The following GRM1 variants were observed in gnomAD, a reference collection of about 807,000 sequenced individuals.
GRM1 encodes the protein glutamate metabotropic receptor 1, also known as metabotropic glutamate receptor 1.
GRM1 carries 33 observed loss-of-function variants against 90.9 expected under a neutral mutation model. The ratio of observed to expected loss-of-function variants is 0.36; its 90% CI spans 0.28 to 0.49. The LOEUF (loss-of-function observed/expected upper bound fraction) is 0.49, where lower values mean the gene tolerates loss of function less well. GRM1 is among the 20% of genes least tolerant of loss of function. GRM1 has a pLI of 0.99. For synonymous variants in GRM1, 700 were observed against 613.2 expected (o/e 1.14, Z -2.09); for missense variants, 1,190 against 1,534.3 (o/e 0.78, Z 3.75).
rs1777068874 is a variant in GRM1 at position 146,399,143 on chromosome 6, A to G, written c.2104A>G (p.Ser702Gly). The G allele has an allele frequency of 1.9e-6, 3 of 1,614,052 alleles. No homozygotes were observed. The highest frequency in any genetic ancestry group is 2.5e-6 in the Non-Finnish European group (3 of 1,179,942). The change falls in exon 7 of 8, where the codon AGT (serine) becomes GGT (glycine). Residue 702 changes from serine (S) to glycine (G), a missense_variant. This residue lies in a region of GRM1 where 414 missense variants were observed against 598.4 expected (regional missense o/e 0.69). Coordinates refer to ENST00000282753, the MANE Select transcript of GRM1 (RefSeq NM_001278064.2). The surrounding 1 kb of genome is among the most constrained non-coding windows in gnomAD (Gnocchi z 5.4). ...KICTRKPRFMSAWAQVIIASI... is the reference protein window; with the variant it reads ...KICTRKPRFMGAWAQVIIASI... ...CTGCACCCGGAAGCCCAGGTTCATG[A>G]GTGCCTGGGCTCAGGTGATCATTGC...
At chr6:146,086,314 C>A (rs1776543646) in intron 1 of GRM1, among the ~76,000 whole-genome samples, 1 of 152,164 alleles carries the variant, frequency 6.6e-6, no homozygotes, top group South Asian at 2.1e-4. Context: ...TTTAAAACTT[C>A]AGCTTTCTCT....
At position 146,435,576 on chromosome 6, in the gene GRM1, G is replaced by A. The variant is rs984269129; in HGVS notation, c.*780G>A. On this transcript the variant is annotated 3_prime_UTR_variant, in exon 8 of 8. Coordinates refer to ENST00000282753, the MANE Select transcript of GRM1 (RefSeq NM_001278064.2). ...AAAGTGCTTCATCAGGCGTGCTACA[G>A]GAGGAAGGAGCTAGAAATAGAACAA... 1 of 152,748 alleles carries A rather than the reference G, an allele frequency of 6.5e-6. No homozygotes were observed. 9.5% of individuals were successfully genotyped at this position (152,748 alleles called of 1,614,324 possible).
At chr6:146,065,905 A>C (rs1003931122) in intron 1 of GRM1, among the ~76,000 whole-genome samples, 1 of 152,164 alleles carries the variant, frequency 6.6e-6, no homozygotes, top group African/African-American at 2.4e-5. Flanking sequence ...ATAAGTTCAG[A>C]ATAGGACATG....
chr6:146,150,928 G>A (rs36169279), intron 1 of GRM1, among the ~76,000 whole-genome samples: 13,970 of 86,588 alleles, frequency 0.16, 855 homozygotes, highest in South Asian at 0.26. Flanking sequence ...ACACACACAC[G>A]CGTGTGCGCG....
chr6:146,188,906 A>G (rs1778838171), intron 2 of GRM1, among the ~76,000 whole-genome samples: 1 of 152,120 alleles, frequency 6.6e-6, no homozygotes. Flanking sequence ...CACGTTTTTT[A>G]TCAGTTTTCT....
intron 6 of GRM1, among the ~76,000 whole-genome samples, chr6:146,390,187 TA>T (rs1325987731): frequency 6.6e-6 from 1 of 152,096 alleles, no homozygotes; most frequent in African/African-American, 2.4e-5. Context: ...AAAATATACT[TA>T]AAATCACTTT....
In GRM1 at chr6:146,425,178, A is replaced by G. The variant is rs148146706; in HGVS notation, c.2661-8694A>G. Among the ~76,000 whole-genome samples the G allele has an allele frequency of 4.6e-5, 7 of 151,730 alleles. No individual in the cohort carries two copies. In the East Asian group the frequency reaches 1.4e-3, roughly 29 times the overall value. On this transcript the variant is annotated intron_variant, in intron 7 of 7. Coordinates refer to ENST00000282753, the MANE Select transcript of GRM1 (RefSeq NM_001278064.2). ...GTCCAAACTTGATGGAATTGTACATATGGATTAACTTTGTTTTTTCTCTGT... is the reference window on the plus strand; with the variant it reads ...GTCCAAACTTGATGGAATTGTACATGTGGATTAACTTTGTTTTTTCTCTGT...
intron 7 of GRM1, among the ~76,000 whole-genome samples, chr6:146,423,465 ATT>A (rs3065806): frequency 9.1e-4 from 132 of 145,256 alleles, no homozygotes; most frequent in Middle Eastern, 7.0e-3. Context: ...GAGATGCTCT[ATT>A]TTTTTTTTTT....
chr6:146,144,463 G>T (rs899301229), intron 1 of GRM1, among the ~76,000 whole-genome samples: 2 of 152,190 alleles, frequency 1.3e-5, no homozygotes, highest in Non-Finnish European at 2.9e-5. Flanking sequence ...ACCCTGTGCT[G>T]CCTCAGGACT....
intron 7 of GRM1, among the ~76,000 whole-genome samples, chr6:146,404,387 G>A (rs1777261944): frequency 6.6e-6 from 1 of 152,048 alleles, no homozygotes; most frequent in Non-Finnish European, 1.5e-5. Flanking sequence ...TGGGAAGGGA[G>A]ACACTAAAAA....
At chr6:146,359,783 C>T (rs747647617) in intron 5 of GRM1, among the ~76,000 whole-genome samples, 2 of 152,070 alleles carry the variant, frequency 1.3e-5, no homozygotes, top group African/African-American at 2.4e-5. Flanking sequence ...TATGCCCATG[C>T]GTGTTATCGA....
chr6:146,039,057 A>G (rs1431189610), intron 1 of GRM1, among the ~76,000 whole-genome samples: 1 of 152,034 alleles, frequency 6.6e-6, no homozygotes, highest in Non-Finnish European at 1.5e-5. Context: ...TATGTTTTGT[A>G]GCACATTCTT....
At chr6:146,103,874 T>C (rs1248109126) in intron 1 of GRM1, among the ~76,000 whole-genome samples, 1 of 152,158 alleles carries the variant, frequency 6.6e-6, no homozygotes, top group African/African-American at 2.4e-5. Flanking sequence ...TTGTGGAGGA[T>C]TGCACAATGC....
intron 3 of GRM1, among the ~76,000 whole-genome samples, chr6:146,334,349 T>A (rs1053196831): frequency 2.0e-5 from 3 of 152,216 alleles, no homozygotes; most frequent in Non-Finnish European, 4.4e-5. Flanking sequence ...AGAAAAACTA[T>A]ATGACATCAG....
At chr6:146,269,505 C>G (rs369896272) in intron 2 of GRM1, among the ~76,000 whole-genome samples, 1 of 152,124 alleles carries the variant, frequency 6.6e-6, no homozygotes, top group Non-Finnish European at 1.5e-5. Context: ...AAGACAATTA[C>G]CAAGATGTTT....
chr6:146,198,969 T>C (rs958406696), intron 2 of GRM1, among the ~76,000 whole-genome samples: 1 of 152,214 alleles, frequency 6.6e-6, no homozygotes, highest in African/African-American at 2.4e-5. Flanking sequence ...TTTGTTACTG[T>C]AATTTCAGCT....
chr6:146,351,919 G>A (rs1325679052), intron 3 of GRM1, among the ~76,000 whole-genome samples: 1 of 152,236 alleles, frequency 6.6e-6, no homozygotes, highest in Admixed American at 6.5e-5. Flanking sequence ...ATAAGTTCCT[G>A]TGAACAAAGA....
At chr6:146,139,038 G>T (rs1175647948) in intron 1 of GRM1, among the ~76,000 whole-genome samples, 5 of 151,252 alleles carry the variant, frequency 3.3e-5, no homozygotes, top group Non-Finnish European at 5.9e-5. Flanking sequence ...ACTATCATTT[G>T]TTTCGAGAAA....
At chr6:146,402,071 A>G (rs1447871941) in intron 7 of GRM1, among the ~76,000 whole-genome samples, 1 of 152,228 alleles carries the variant, frequency 6.6e-6, no homozygotes, top group Non-Finnish European at 1.5e-5. Context: ...GAGAAAAATC[A>G]GCATGGTCTA....
Sources: allele counts gnomAD v4.1 joint callset (sites outside exome capture counted in the v4.1 genomes callset), GRCh38; gene constraint gnomAD v4.1.1; regional missense constraint gnomAD v4.1.1; non-coding constraint Gnocchi (gnomAD v3.1); transcripts MANE v1.5; gene names NCBI Gene and HGNC (gene_info 2026-07-23, HGNC 2026-07-21).